Variants in MAP2 observed in about 807,000 individuals in gnomAD.
MAP2 encodes the protein microtubule associated protein 2.
In MAP2, 14 loss-of-function variants were observed where a neutral mutation model predicts 137.6. The observed-to-expected ratio is 0.10, with a 90% CI of 0.07 to 0.16. The LOEUF (loss-of-function observed/expected upper bound fraction) is 0.16, where lower values mean the gene tolerates loss of function less well. Among genes scored for constraint, MAP2 ranks in the 10% least tolerant of loss-of-function variants. The probability of loss-of-function intolerance (pLI) is 1.00; values close to 1 mark genes in which losing one functional copy is unlikely to be tolerated. For missense variants in MAP2, 2,088 were observed against 2,191.5 expected (o/e 0.95, Z 0.94); for synonymous variants, 786 against 782.3 (o/e 1.00, Z -0.08).
At chr2:209,666,879 A>AT (rs1465044072) in intron 5 of MAP2, among the ~76,000 whole-genome samples, 1 of 151,960 alleles carries the variant, frequency 6.6e-6, no homozygotes, top group Non-Finnish European at 1.5e-5. Context: ...AATATCGAGC[A>AT]TTTTTTCAAT....
Position 209,697,011 on chromosome 2 carries a change from T to A in MAP2, c.4482T>A (p.Thr1494=). Residue 1494 remains threonine (T), a synonymous_variant, in exon 10 of 16, where the codon ACT becomes ACA. Transcript: ENST00000682079. ...KFILKPAIKY[T]RPTHLSCVKR... is the part of the protein sequence containing the mutation. ...TTTTAAAACCTGCTATCAAATATAC[T>A]AGACCAACTCATCTCTCCTGTGTTA... The A allele has an allele frequency of 6.2e-7, 1 of 1,613,228 alleles. No homozygotes were observed.
At chr2:209,676,983 T>C (rs1345659544) in intron 5 of MAP2, among the ~76,000 whole-genome samples, 2 of 151,630 alleles carry the variant, frequency 1.3e-5, no homozygotes. Context: ...GCATGATCTT[T>C]ACAGCTAATT....
chr2:209,480,437 C>T (rs747342513), intron 1 of MAP2, among the ~76,000 whole-genome samples: 3 of 152,050 alleles, frequency 2.0e-5, no homozygotes, highest in Non-Finnish European at 4.4e-5. Flanking sequence ...TCTGTGGATA[C>T]GTGGAAAAAA....
At chr2:209,704,846 A>G (rs2062901951) in intron 11 of MAP2, among the ~76,000 whole-genome samples, 2 of 151,754 alleles carry the variant, frequency 1.3e-5, no homozygotes. Flanking sequence ...TATGCTACCC[A>G]TTATTAATTT....
rs1319486697 is a variant in MAP2 at position 209,664,925 on chromosome 2, C to T, written c.262+11493C>T. On this transcript the variant is annotated intron_variant, in intron 5 of 15. Coordinates refer to ENST00000682079, the MANE Select transcript of MAP2 (RefSeq NM_001375505.1). ...CATGCAGTGAGCTGAGATCGCGCCC[C>T]TGCCCTCCAGCCTGGTGACAGAGCG... Among the ~76,000 whole-genome samples the T allele has an allele frequency of 1.2e-4, 17 of 144,506 alleles. No homozygotes were observed. In the Admixed American group the frequency reaches 1.2e-3, roughly 10 times the overall value. The allele number at this position is 144,506 out of a possible 152,430, so 94.8% of individuals were successfully genotyped here. A position where few individuals can be genotyped will look rare whatever the true frequency, so the allele number is the denominator to read the frequency against.
chr2:209,455,228 G>A (rs1701264667), intron 1 of MAP2, among the ~76,000 whole-genome samples: 1 of 152,100 alleles, frequency 6.6e-6, no homozygotes, highest in African/African-American at 2.4e-5. Context: ...TTATTAAGTA[G>A]GTACCATTAT....
rs2059309567 is a variant in MAP2, at chr2:209,692,879, A to G, written c.709A>G (p.Met237Val). 2 of 1,613,924 alleles carry G rather than the reference A, an allele frequency of 1.2e-6. No individual in the cohort carries two copies. The highest frequency in any genetic ancestry group is 1.1e-5 in the South Asian group (1 of 91,058). The change falls in exon 8 of 16, where the codon ATG becomes GTG. Residue 237 changes from methionine to valine, a missense_variant. Met to Val is a conservative substitution (Grantham distance 21). Transcript: ENST00000682079. ...GHTLVASLED[M>V]KQKTEPSLVV... ...CACTCTTGTTGCCAGCCTGGAAGAC[A>G]TGAAACAGAAGACAGAACCAAGCCT...
intron 2 of MAP2, among the ~76,000 whole-genome samples, chr2:209,537,757 C>T (rs2066212407): frequency 6.6e-6 from 1 of 152,188 alleles, no homozygotes; most frequent in Admixed American, 6.5e-5. Flanking sequence ...TGAAGACTCT[C>T]TCACTGATAT....
chr2:209,721,958 C>T (rs554259097), intron 13 of MAP2: 2 of 152,068 alleles, frequency 1.3e-5, no homozygotes, highest in South Asian at 2.1e-4. Context: ...TAATCAAGCC[C>T]GATCCTGCTT....
At chr2:209,686,702 G>A (rs571581153) in intron 7 of MAP2, among the ~76,000 whole-genome samples, 30 of 152,202 alleles carry the variant, frequency 2.0e-4, no homozygotes, top group African/African-American at 6.5e-4. Flanking sequence ...TATTTAAGGA[G>A]ATATGTTTAA....
chr2:209,467,506 ATCTCACCATT>A (rs1206267979), intron 1 of MAP2, among the ~76,000 whole-genome samples: 2 of 152,088 alleles, frequency 1.3e-5, no homozygotes, highest in Admixed American at 6.6e-5. Flanking sequence ...GCCTGGAATG[ATCTCACCATT>A]TCTCACATAC....
At chr2:209,603,428 G>A (rs541899373) in intron 3 of MAP2, among the ~76,000 whole-genome samples, 68 of 152,114 alleles carry the variant, frequency 4.5e-4, no homozygotes, top group East Asian at 9.7e-4. Context: ...GATGGGGGGC[G>A]GTTATCACAA....
At chr2:209,529,915 AT>A (rs1384184610) in intron 2 of MAP2, among the ~76,000 whole-genome samples, 2 of 105,266 alleles carry the variant, frequency 1.9e-5, no homozygotes, top group African/African-American at 7.2e-5. Flanking sequence ...CCCATTAATG[AT>A]TGTAGAGGAG....
At chr2:209,611,366 G>A (rs2086801142) in intron 3 of MAP2, among the ~76,000 whole-genome samples, 1 of 151,920 alleles carries the variant, frequency 6.6e-6, no homozygotes. Flanking sequence ...GTTTGGAAAG[G>A]TAACATAGTA....
intron 5 of MAP2, among the ~76,000 whole-genome samples, chr2:209,665,829 A>G (rs1183206538): frequency 1.3e-5 from 2 of 152,154 alleles, no homozygotes; most frequent in African/African-American, 4.8e-5. Flanking sequence ...TTTTCACTTA[A>G]TAAAAAGCTT....
At chr2:209,461,383 T>C (rs1223503321) in intron 1 of MAP2, among the ~76,000 whole-genome samples, 3 of 152,224 alleles carry the variant, frequency 2.0e-5, no homozygotes, top group Admixed American at 6.5e-5. Flanking sequence ...TAAGTTTATA[T>C]TGGATCATTG....
At chr2:209,441,209 G>C (rs947219228) in intron 1 of MAP2, among the ~76,000 whole-genome samples, 1 of 151,360 alleles carries the variant, frequency 6.6e-6, no homozygotes, top group East Asian at 1.9e-4. Context: ...CCTGTATCTG[G>C]TGTGGATTTT....
chr2:209,715,449 A>G (rs1211092337), intron 13 of MAP2, among the ~76,000 whole-genome samples: 1 of 152,164 alleles, frequency 6.6e-6, no homozygotes, highest in African/African-American at 2.4e-5. Context: ...CAAACAAAAT[A>G]GACATAGATT....
intron 5 of MAP2, among the ~76,000 whole-genome samples, chr2:209,661,133 CT>C (rs571462541): frequency 3.2e-4 from 48 of 152,220 alleles, no homozygotes; most frequent in Non-Finnish European, 7.1e-4. Flanking sequence ...TTAAATAAAG[CT>C]TTTCTCTCTG....
Sources: allele counts gnomAD v4.1 joint callset (sites outside exome capture counted in the v4.1 genomes callset), GRCh38; gene constraint gnomAD v4.1.1; transcripts MANE v1.5; gene names NCBI Gene and HGNC (gene_info 2026-07-23, HGNC 2026-07-21).